Variants in AGBL1 observed in about 807,000 individuals in gnomAD.
The protein encoded by AGBL1 is AGBL carboxypeptidase 1.
A neutral mutation model predicts 118.9 loss-of-function variants in AGBL1; 130 were observed. The ratio of observed to expected loss-of-function variants is 1.09; its 90% CI spans 0.95 to 1.26. The LOEUF is 1.26. Ranked by LOEUF, AGBL1 falls within the 50% of genes most tolerant of loss-of-function variation. The pLI is 0.00. For synonymous variants in AGBL1, 555 were observed against 478.9 expected, an observed-to-expected ratio of 1.16 and a Z score of -2.08; for missense variants, 1,584 against 1,298.1, an observed-to-expected ratio of 1.22 and a Z score of -3.38.
intron 24 of AGBL1, among the ~76,000 whole-genome samples, chr15:87,017,609 C>A (rs1424302047): frequency 2.6e-5 from 4 of 152,068 alleles, no homozygotes; most frequent in African/African-American, 9.7e-5. Flanking sequence ...AAAACAACAT[C>A]AGCAAAAAGA....
intron 18 of AGBL1, among the ~76,000 whole-genome samples, chr15:86,496,871 G>A (rs1376818410): frequency 6.6e-6 from 1 of 151,912 alleles, no homozygotes; most frequent in Admixed American, 6.6e-5. Flanking sequence ...TTTTAAAAAT[G>A]CATCTTTTCC....
intron 22 of AGBL1, among the ~76,000 whole-genome samples, chr15:86,821,232 C>G (rs573396361): frequency 3.3e-5 from 5 of 151,880 alleles, no homozygotes; most frequent in Admixed American, 2.0e-4. Flanking sequence ...ATATAGATGA[C>G]GGGTTGATGA....
chr15:86,930,975 C>G (rs777771442), intron 23 of AGBL1, among the ~76,000 whole-genome samples: 1 of 152,088 alleles, frequency 6.6e-6, no homozygotes, highest in Non-Finnish European at 1.5e-5. Context: ...AACCCAGACC[C>G]CCACCAAACA....
At chr15:86,137,308 T>C (rs576102672) in intron 1 of AGBL1, among the ~76,000 whole-genome samples, 1 of 152,326 alleles carries the variant, frequency 6.6e-6, no homozygotes, top group Admixed American at 6.5e-5. Flanking sequence ...ACCCTGTGGG[T>C]GAGCTGGCTC....
chr15:86,734,643 G>T (rs942073913), intron 22 of AGBL1, among the ~76,000 whole-genome samples: 19 of 152,218 alleles, frequency 1.2e-4, no homozygotes, highest in African/African-American at 4.3e-4. Flanking sequence ...CATTGTCACT[G>T]GTGGTTCCTA....
chr15:86,688,553 G>T (rs1447114690), intron 22 of AGBL1, among the ~76,000 whole-genome samples: 1 of 152,156 alleles, frequency 6.6e-6, no homozygotes, highest in African/African-American at 2.4e-5. Context: ...ATACGCAAGT[G>T]AGTGTGATGC....
At chr15:86,100,081 G>T (rs2141494155) in intron 1 of AGBL1, among the ~76,000 whole-genome samples, 1 of 152,032 alleles carries the variant, frequency 6.6e-6, no homozygotes, top group South Asian at 2.1e-4. Flanking sequence ...TTTTCAGCAG[G>T]TATTGGGATT....
chr15:86,227,267 T>C (rs1325352624), intron 6 of AGBL1, among the ~76,000 whole-genome samples: 1 of 152,262 alleles, frequency 6.6e-6, no homozygotes, highest in African/African-American at 2.4e-5. Flanking sequence ...AGTGTCCCAC[T>C]AGGAGGATGT....
At chr15:86,460,037 G>T (rs1320812049) in intron 18 of AGBL1, among the ~76,000 whole-genome samples, 1 of 152,022 alleles carries the variant, frequency 6.6e-6, no homozygotes, top group Non-Finnish European at 1.5e-5. Flanking sequence ...CTTGTAAATT[G>T]GGCCATTGTT....
chr15:86,869,675 G>A (rs1036065948), intron 22 of AGBL1, among the ~76,000 whole-genome samples: 2 of 152,162 alleles, frequency 1.3e-5, no homozygotes, highest in African/African-American at 4.8e-5. Flanking sequence ...CCTAATAATA[G>A]TAATGATAAA....
chr15:86,432,094 T>G (rs1009286127), intron 18 of AGBL1, among the ~76,000 whole-genome samples: 7 of 152,174 alleles, frequency 4.6e-5, no homozygotes, highest in African/African-American at 1.7e-4. Context: ...TGGTTCAGGA[T>G]TCTGTTTGCT....
chr15:86,406,784 C>T (rs1369205047), intron 18 of AGBL1, among the ~76,000 whole-genome samples: 1 of 152,152 alleles, frequency 6.6e-6, no homozygotes, highest in African/African-American at 2.4e-5. Flanking sequence ...AAACTAACCA[C>T]ATCTTCCTAT....
At chr15:86,975,932 G>A (rs1402194603) in intron 23 of AGBL1, among the ~76,000 whole-genome samples, 7 of 56,690 alleles carry the variant, frequency 1.2e-4, no homozygotes, top group African/African-American at 4.6e-4. Flanking sequence ...CATGACAGCA[G>A]AGCAGTTTAA....
chr15:86,113,252 C>T (rs370218558), intron 1 of AGBL1, among the ~76,000 whole-genome samples: 1 of 51,280 alleles, frequency 2.0e-5, no homozygotes, highest in Non-Finnish European at 3.4e-5. Context: ...CTTTTCTTTT[C>T]TTTTCTTTCT....
intron 22 of AGBL1, among the ~76,000 whole-genome samples, chr15:86,798,300 C>T (rs928115428): frequency 2.6e-5 from 4 of 152,146 alleles, no homozygotes; most frequent in South Asian, 2.1e-4. Context: ...GAAATTTAGA[C>T]TTTAACTCTC....
chr15:86,517,156 G>A (rs1348564933), intron 18 of AGBL1, among the ~76,000 whole-genome samples: 2 of 152,224 alleles, frequency 1.3e-5, no homozygotes, highest in African/African-American at 4.8e-5. Flanking sequence ...TGCTCCAGAT[G>A]AGATGCTAAA....
At chr15:86,688,705 G>A (rs955949007) in intron 22 of AGBL1, among the ~76,000 whole-genome samples, 5 of 152,152 alleles carry the variant, frequency 3.3e-5, no homozygotes, top group Middle Eastern at 3.4e-3. Context: ...TAGCTTTAAC[G>A]AGGCGGGCAC....
At chr15:86,807,269 C>T (rs1035316598) in intron 22 of AGBL1, among the ~76,000 whole-genome samples, 13 of 152,110 alleles carry the variant, frequency 8.5e-5, no homozygotes, top group Non-Finnish European at 1.0e-4. Flanking sequence ...GGGCTCTTAC[C>T]TGGTCATCTC....
In AGBL1 at chr15:86,256,918, C is replaced by G. The variant is rs2078905313; in HGVS notation, c.801C>G (p.Cys267Trp). The change falls in exon 8 of 23, where the codon TGC becomes TGG. Residue 267 changes from cysteine to tryptophan, a missense_variant. Cys to Trp is a radical substitution (Grantham distance 215, BLOSUM62 -2). Transcript: ENST00000614907. ...TGGTGCTTCAGATCCTGAGGCAGTG[C>G]TACCCTACGAGTCCACTTCCCTTGG... is the stretch of plus-strand genomic sequence containing the variant. ...ISVVLQILRQCYPTSPLPLVT... is the reference protein window; with the variant it reads ...ISVVLQILRQWYPTSPLPLVT... 6.2e-7 allele frequency: 1 copy of G among 1,613,936 alleles called. No homozygotes were observed. Among genetic ancestry groups the G allele is most frequent in the Non-Finnish European group, 8.5e-7 (1 of 1,179,860 alleles).
Sources: allele counts gnomAD v4.1 joint callset (sites outside exome capture counted in the v4.1 genomes callset), GRCh38; gene constraint gnomAD v4.1.1; transcripts MANE v1.5; gene names NCBI Gene and HGNC (gene_info 2026-07-23, HGNC 2026-07-21).